Variants in PROS1 observed in about 807,000 individuals in gnomAD.
The protein encoded by PROS1 is vitamin K-dependent protein S.
Under a neutral mutation model 75.9 loss-of-function variants are expected in PROS1, and 29 were observed. That is an observed-to-expected ratio of 0.38 (90% CI 0.28 to 0.52). The LOEUF is 0.52. PROS1 is among the 20% of genes least tolerant of loss of function. The probability of loss-of-function intolerance (pLI) is 0.83; values close to 1 mark genes in which losing one functional copy is unlikely to be tolerated. For missense variants in PROS1, 680 were observed against 810.3 expected, an observed-to-expected ratio of 0.84 and a Z score of 1.95; for synonymous variants, 245 against 280.6, an observed-to-expected ratio of 0.87 and a Z score of 1.27.
chr3:93,966,594 A>G (rs540747959), intron 1 of PROS1, among the ~76,000 whole-genome samples: 93 of 152,294 alleles, frequency 6.1e-4, no homozygotes, highest in East Asian at 2.5e-3. Context: ...GGCACATTCT[A>G]TCTAAAGAAG....
intron 1 of PROS1, among the ~76,000 whole-genome samples, chr3:93,952,536 C>A (rs1053918651): frequency 6.6e-6 from 1 of 152,076 alleles, no homozygotes; most frequent in African/African-American, 2.4e-5. Context: ...CCAATGAGAA[C>A]AAAGACACAA....
intron 1 of PROS1, among the ~76,000 whole-genome samples, chr3:93,956,179 C>A (rs1252135272): frequency 6.6e-6 from 1 of 151,988 alleles, no homozygotes; most frequent in Non-Finnish European, 1.5e-5. Context: ...ATAGTAGTAT[C>A]TTTTATTGGT....
intron 1 of PROS1, among the ~76,000 whole-genome samples, chr3:93,929,287 G>A (rs1298584425): frequency 6.6e-6 from 1 of 152,124 alleles, no homozygotes; most frequent in African/African-American, 2.4e-5. Context: ...AGACCAGCCT[G>A]GATGACAAAG....
Position 93,900,765 on chromosome 3 carries a change from C to A in PROS1, c.727+39G>T, listed in dbSNP as rs565872352. 7 of 1,611,406 alleles carry A rather than the reference C, an allele frequency of 4.3e-6. No homozygotes were observed. The East Asian group carries it at 1.6e-4, about 36-fold the overall frequency. ...AATATCAGTTCAGGGTTCACACCCA[C>A]CCTCTCCACCATCAGTAATGATACC... On this transcript the variant is annotated intron_variant, in intron 7 of 14. Coordinates refer to ENST00000394236, the MANE Select transcript of PROS1 (RefSeq NM_000313.4).
chr3:93,918,192 G>T (rs1708889039), intron 3 of PROS1, among the ~76,000 whole-genome samples: 1 of 152,038 alleles, frequency 6.6e-6, no homozygotes, highest in African/African-American at 2.4e-5. Flanking sequence ...TACACCAATT[G>T]ACACTCTGTA....
intron 2 of PROS1, among the ~76,000 whole-genome samples, chr3:93,926,360 A>G (rs1211624509): frequency 6.6e-6 from 1 of 152,202 alleles, no homozygotes; most frequent in African/African-American, 2.4e-5. Flanking sequence ...GGCCGGGCGC[A>G]GTGGCTCATG....
At chr3:93,878,028 T>A (rs1487062408) in intron 13 of PROS1, among the ~76,000 whole-genome samples, 1 of 152,160 alleles carries the variant, frequency 6.6e-6, no homozygotes, top group Non-Finnish European at 1.5e-5. Flanking sequence ...AAATGATCAA[T>A]GATATCTGGA....
chr3:93,875,861 T>C (rs1163866256), intron 14 of PROS1, among the ~76,000 whole-genome samples: 1 of 152,142 alleles, frequency 6.6e-6, no homozygotes, highest in African/African-American at 2.4e-5. Context: ...AAATTGCAAA[T>C]GTCATCTGAA....
chr3:93,943,249 G>C (rs1559946345), intron 1 of PROS1, among the ~76,000 whole-genome samples: 1 of 152,094 alleles, frequency 6.6e-6, no homozygotes, highest in African/African-American at 2.4e-5. Context: ...AACTTAAAAA[G>C]GAGGACTCTG....
At chr3:93,874,551 C>T in intron 14 of PROS1, 146 bp from the exon 15 acceptor site, 1 of 1,117,448 alleles carries the variant, frequency 8.9e-7, no homozygotes, top group Non-Finnish European at 1.3e-6. Flanking sequence ...TCCATAAATA[C>T]ATGTTAAGTG....
chr3:93,924,271 A>G lies in PROS1; in HGVS notation c.235-7T>C. The G allele has an allele frequency of 7.9e-7, 1 of 1,267,822 alleles. No individual in the cohort carries two copies. The highest frequency in any genetic ancestry group is 1.1e-6 in the Non-Finnish European group (1 of 924,160). 78.5% of individuals were successfully genotyped at this position (1,267,822 alleles called of 1,614,324 possible). On this transcript the variant is annotated splice_region_variant and splice_polypyrimidine_tract_variant and intron_variant, in intron 2 of 14. Transcript: ENST00000394236. ...ATTTTGGATAAAAATAATCCTAGAAAGAAGAAAAAGAAAACATATCTTAGC... is the reference window on the plus strand; with the variant it reads ...ATTTTGGATAAAAATAATCCTAGAAGGAAGAAAAAGAAAACATATCTTAGC...
chr3:93,942,195 C>A (rs765153397), intron 1 of PROS1, among the ~76,000 whole-genome samples: 7 of 152,146 alleles, frequency 4.6e-5, no homozygotes, highest in Non-Finnish European at 1.0e-4. Flanking sequence ...ATTGAGGCTA[C>A]CGCTCTGCCC....
chr3:93,944,341 CTTGAGAAAAATCAACAAAATATACA>C (rs1240092286), intron 1 of PROS1, among the ~76,000 whole-genome samples: 3 of 152,202 alleles, frequency 2.0e-5, no homozygotes, highest in Non-Finnish European at 4.4e-5. Context: ...AGAAAACTGA[CTTGAGAAAAATCAACAAAATATACA>C]TTCTTCTCAG....
chr3:93,910,979 T>C (rs571578876), intron 3 of PROS1: 152 of 406,496 alleles, frequency 3.7e-4, no homozygotes, highest in Non-Finnish European at 6.3e-4. Context: ...GAAAAAAACC[T>C]TGATTTAGCA....
chr3:93,947,702 G>T (rs1385774055), intron 1 of PROS1, among the ~76,000 whole-genome samples: 1 of 152,084 alleles, frequency 6.6e-6, no homozygotes, highest in African/African-American at 2.4e-5. Flanking sequence ...GAGTAGCTGG[G>T]ACTACAGGCG....
chr3:93,937,087 A>C (rs561928765), intron 1 of PROS1, among the ~76,000 whole-genome samples: 3 of 152,138 alleles, frequency 2.0e-5, no homozygotes, highest in Non-Finnish European at 2.9e-5. Flanking sequence ...TCAGACACCG[A>C]GTTGTAGAAG....
intron 6 of PROS1, among the ~76,000 whole-genome samples, 196 bp from the exon 7 acceptor site, chr3:93,901,125 G>T (rs1160050911): frequency 6.6e-6 from 1 of 152,078 alleles, no homozygotes; most frequent in Non-Finnish European, 1.5e-5. Context: ...AAATGCAGAG[G>T]GAAATTTGAT....
Position 93,930,161 on chromosome 3 carries a change from C to T in PROS1, c.77-2754G>A, listed in dbSNP as rs146512766. Reference sequence around the variant, plus strand: ...TTAGATTTGTAACCCTATCTCTTGACATGTTTATCATGCTCATTAAAATAG... The same window carrying T: ...TTAGATTTGTAACCCTATCTCTTGATATGTTTATCATGCTCATTAAAATAG... On this transcript the variant is annotated intron_variant, in intron 1 of 14. Transcript: ENST00000394236. 1.2e-3 allele frequency among the ~76,000 whole-genome samples: 178 copies of T among 152,230 alleles called. 1 individual carries two copies. Among genetic ancestry groups the T allele is most frequent in the African/African-American group, 3.9e-3 (164 of 41,544 alleles).
chr3:93,927,150 T>C, intron 2 of PROS1, 100 bp downstream of exon 2: 2 of 1,463,508 alleles, frequency 1.4e-6, no homozygotes, highest in Non-Finnish European at 1.9e-6. Flanking sequence ...CACAGAATTA[T>C]TGACTTTAAG....
Sources: gnomAD v4.1 joint callset for allele counts (sites outside exome capture counted in the v4.1 genomes callset) on GRCh38, gnomAD v4.1.1 for gene constraint, MANE v1.5 for transcripts, NCBI Gene and HGNC (gene_info 2026-07-23, HGNC 2026-07-21) for gene names.